KCNH5: variants seen among roughly 807,000 people sequenced by gnomAD.
KCNH5 encodes the protein potassium voltage-gated channel subfamily H member 5.
Under a neutral mutation model 96.1 loss-of-function variants are expected in KCNH5, and 46 were observed. That is an observed-to-expected ratio of 0.48 (90% CI 0.38 to 0.61). The LOEUF (loss-of-function observed/expected upper bound fraction) is 0.61, where lower values mean the gene tolerates loss of function less well. Ranked by LOEUF, KCNH5 falls within the 20% of genes least tolerant of loss-of-function variation. The probability of loss-of-function intolerance (pLI) is 0.00; values close to 1 mark genes in which losing one functional copy is unlikely to be tolerated. For synonymous variants in KCNH5, 439 were observed against 449.8 expected, an observed-to-expected ratio of 0.98 and a Z score of 0.30; for missense variants, 907 against 1,225.8, an observed-to-expected ratio of 0.74 and a Z score of 3.88.
intron 10 of KCNH5, among the ~76,000 whole-genome samples, chr14:62,728,743 T>C (rs1884989282): frequency 6.6e-6 from 1 of 152,178 alleles, no homozygotes; most frequent in African/African-American, 2.4e-5. Context: ...GGGCCTTATA[T>C]GATGGTTGCT....
chr14:62,811,931 T>C (rs1006547898), intron 8 of KCNH5, among the ~76,000 whole-genome samples: 1 of 152,158 alleles, frequency 6.6e-6, no homozygotes, highest in Non-Finnish European at 1.5e-5. Flanking sequence ...AAAACTCTTA[T>C]TGAGCCTGCT....
chr14:62,972,522 T>G (rs1340055971), intron 6 of KCNH5, among the ~76,000 whole-genome samples: 1 of 152,252 alleles, frequency 6.6e-6, no homozygotes, highest in Non-Finnish European at 1.5e-5. Context: ...CAAATATGTT[T>G]AAAACTTATG....
chr14:62,786,451 A>T (rs1886322375), intron 9 of KCNH5, among the ~76,000 whole-genome samples: 1 of 152,180 alleles, frequency 6.6e-6, no homozygotes, highest in South Asian at 2.1e-4. Flanking sequence ...ACACATAAAG[A>T]TAGTAAAATC....
At position 62,982,609 on chromosome 14, in the gene KCNH5, G is replaced by A. The variant is rs1020378791; in HGVS notation, c.550-1345C>T. 2.0e-5 allele frequency among the ~76,000 whole-genome samples: 3 copies of A among 152,170 alleles called. 1 individual carries two copies. ...AATACTTGTTAGCATGTAACTCTGAGTTATAATATATGCCACAAAACAAAA... is the reference window on the plus strand; with the variant it reads ...AATACTTGTTAGCATGTAACTCTGAATTATAATATATGCCACAAAACAAAA... On this transcript the variant is annotated intron_variant, in intron 5 of 10. Coordinates refer to ENST00000322893, the MANE Select transcript of KCNH5 (RefSeq NM_139318.5).
intron 4 of KCNH5, among the ~76,000 whole-genome samples, chr14:62,999,410 G>T (rs1890970314): frequency 6.6e-6 from 1 of 151,726 alleles, no homozygotes; most frequent in South Asian, 2.1e-4. Flanking sequence ...AAATTTGTTT[G>T]AGTTCATTGT....
intron 10 of KCNH5, among the ~76,000 whole-genome samples, chr14:62,764,516 T>C (rs537948743): frequency 3.0e-4 from 45 of 152,238 alleles, no homozygotes; most frequent in Non-Finnish European, 5.3e-4. Flanking sequence ...CTGGAAGTGC[T>C]AGCCAGGGCA....
At chr14:63,033,762 T>G (rs1891672004) in intron 1 of KCNH5, among the ~76,000 whole-genome samples, 1 of 150,910 alleles carries the variant, frequency 6.6e-6, no homozygotes, top group Admixed American at 6.6e-5. Context: ...GTTAAGAAGG[T>G]AGATAAGGAC....
intron 7 of KCNH5, among the ~76,000 whole-genome samples, chr14:62,936,980 CAAAAAAAAAAA>C (rs5809179): frequency 1.6e-5 from 1 of 62,280 alleles, no homozygotes; most frequent in South Asian, 8.5e-4. Flanking sequence ...GACTCCATCT[CAAAAAAAAAAA>C]AAAAAAAAAA....
intron 6 of KCNH5, among the ~76,000 whole-genome samples, chr14:62,963,063 A>T (rs918199268): frequency 2.6e-5 from 4 of 152,110 alleles, no homozygotes; most frequent in Non-Finnish European, 5.9e-5. Context: ...ACCCTACTTC[A>T]TCTCATCATG....
At position 62,886,261 on chromosome 14, in the gene KCNH5, A is replaced by G. The variant is rs546564071; in HGVS notation, c.1370-36409T>C. Among the ~76,000 whole-genome samples, 198 of 152,328 alleles carry G rather than the reference A, an allele frequency of 1.3e-3. 1 individual carries two copies. Among genetic ancestry groups the G allele is most frequent in the African/African-American group, 4.3e-3 (180 of 41,572 alleles). ...GGCTTCCTCTGGAACCCATCAACCC[A>G]AAAGATAACAGATAAGCACGAAGCA... On this transcript the variant is annotated intron_variant, in intron 7 of 10. Coordinates refer to ENST00000322893, the MANE Select transcript of KCNH5 (RefSeq NM_139318.5).
At chr14:62,774,567 G>A (rs1886057537) in intron 10 of KCNH5, among the ~76,000 whole-genome samples, 1 of 152,168 alleles carries the variant, frequency 6.6e-6, no homozygotes, top group South Asian at 2.1e-4. Context: ...GGTGTCACCT[G>A]TGTTACCTTT....
chr14:62,873,120 A>G (rs1888292454), intron 7 of KCNH5, among the ~76,000 whole-genome samples: 3 of 150,950 alleles, frequency 2.0e-5, no homozygotes, highest in Admixed American at 2.0e-4. Flanking sequence ...ACTGCACTCC[A>G]GCCTGGGCGA....
intron 7 of KCNH5, among the ~76,000 whole-genome samples, chr14:62,912,981 T>C (rs939179599): frequency 2.6e-5 from 4 of 152,230 alleles, no homozygotes; most frequent in Non-Finnish European, 4.4e-5. Flanking sequence ...GTTTTTCTTA[T>C]CTTAAATTGA....
At chr14:63,005,347 A>G (rs1891104640) in intron 3 of KCNH5, among the ~76,000 whole-genome samples, 1 of 152,242 alleles carries the variant, frequency 6.6e-6, no homozygotes, top group South Asian at 2.1e-4. Flanking sequence ...AGAGAAATCG[A>G]ATTTTAATTC....
intron 10 of KCNH5, among the ~76,000 whole-genome samples, chr14:62,774,429 C>T (rs2139969682): frequency 6.6e-6 from 1 of 152,244 alleles, no homozygotes; most frequent in South Asian, 2.1e-4. Flanking sequence ...TTTCAAAGGA[C>T]AATAGTCATA....
At chr14:62,729,637 T>C (rs1424574505) in intron 10 of KCNH5, among the ~76,000 whole-genome samples, 1 of 152,202 alleles carries the variant, frequency 6.6e-6, no homozygotes, top group Admixed American at 6.5e-5. Context: ...AGAGTCAATC[T>C]CTATGGCAGA....
intron 8 of KCNH5, among the ~76,000 whole-genome samples, chr14:62,824,750 T>C (rs1417030893): frequency 3.3e-5 from 5 of 152,046 alleles, no homozygotes; most frequent in Admixed American, 6.6e-5. Context: ...AATAGTTAGT[T>C]TTTCAACCAT....
intron 8 of KCNH5, among the ~76,000 whole-genome samples, chr14:62,820,939 T>A (rs1328423146): frequency 3.3e-5 from 5 of 152,026 alleles, no homozygotes; most frequent in Non-Finnish European, 7.4e-5. Flanking sequence ...ATTTCTGTTT[T>A]TAGGTCTTTG....
At chr14:63,023,653 C>G (rs1355543415) in intron 1 of KCNH5, among the ~76,000 whole-genome samples, 1 of 152,114 alleles carries the variant, frequency 6.6e-6, no homozygotes, top group East Asian at 1.9e-4. Flanking sequence ...CAGTAAAATA[C>G]ATATTCTTCT....
Sources: gnomAD v4.1 joint callset for allele counts (sites outside exome capture counted in the v4.1 genomes callset) on GRCh38, gnomAD v4.1.1 for gene constraint, MANE v1.5 for transcripts, NCBI Gene and HGNC (gene_info 2026-07-23, HGNC 2026-07-21) for gene names.